FGF14: variants seen among roughly 807,000 people sequenced by gnomAD.
FGF14 encodes fibroblast growth factor 14, also known as fibroblast growth factor homologous factor 4.
A neutral mutation model predicts 25.5 loss-of-function variants in FGF14; 5 were observed. That is an observed-to-expected ratio of 0.20 (90% CI 0.10 to 0.41). The LOEUF (loss-of-function observed/expected upper bound fraction) is 0.41, where lower values mean the gene tolerates loss of function less well. FGF14 is among the 10% of genes least tolerant of loss of function. The pLI, the probability that FGF14 is intolerant of heterozygous loss-of-function variation, is 1.00. For synonymous variants in FGF14, 138 were observed against 118.3 expected (o/e 1.17, Z -1.08); for missense variants, 222 against 320.1 (o/e 0.69, Z 2.34).
chr13:101,898,059 T>A (rs1384830269), intron 1 of FGF14, among the ~76,000 whole-genome samples: 1 of 151,802 alleles, frequency 6.6e-6, no homozygotes, highest in African/African-American at 2.4e-5. Context: ...CACGTCCAGA[T>A]AATGTTTGTA....
chr13:102,164,557 T>G (rs1345745942), intron 1 of FGF14, among the ~76,000 whole-genome samples: 2 of 152,144 alleles, frequency 1.3e-5, no homozygotes, highest in African/African-American at 4.8e-5. Context: ...AGGCAGGCAA[T>G]TAAGACCAGG....
chr13:102,278,687 C>T (rs2053672986), intron 1 of FGF14, among the ~76,000 whole-genome samples: 3 of 151,684 alleles, frequency 2.0e-5, no homozygotes, highest in Admixed American at 2.0e-4. Context: ...CTTCATTAAG[C>T]TCCAGTGTAT....
intron 1 of FGF14, among the ~76,000 whole-genome samples, chr13:101,951,999 G>A (rs767423199): frequency 2.0e-5 from 3 of 152,040 alleles, no homozygotes; most frequent in Non-Finnish European, 2.9e-5. Flanking sequence ...ACCCCATTGT[G>A]TTTAATACTT....
intron 1 of FGF14, among the ~76,000 whole-genome samples, chr13:101,911,344 G>A (rs1180813167): frequency 2.6e-5 from 4 of 152,076 alleles, no homozygotes; most frequent in African/African-American, 9.7e-5. Context: ...AAAGGTCACA[G>A]GATTTCTTCA....
At chr13:102,180,879 T>C (rs2048645271) in intron 1 of FGF14, among the ~76,000 whole-genome samples, 2 of 152,142 alleles carry the variant, frequency 1.3e-5, no homozygotes, top group South Asian at 4.1e-4. Flanking sequence ...CAAAAAGATC[T>C]GTTTTATCAT....
chr13:102,167,770 A>G lies in FGF14; in HGVS notation c.208+233701T>C, dbSNP rs181877255. ...AATCCATTAGAGAATCCTCATTAAG[A>G]TATTAGAAACTGGCATGCTAGCTCT... On this transcript the variant is annotated intron_variant, in intron 1 of 4. Transcript: ENST00000376131. Among the ~76,000 whole-genome samples, 28 of 151,158 alleles carry G rather than the reference A, an allele frequency of 1.9e-4. No individual in the cohort carries two copies. In the East Asian group the frequency reaches 5.1e-3, roughly 27 times the overall value.
chr13:101,754,329 G>A (rs2037502945), intron 3 of FGF14, among the ~76,000 whole-genome samples: 1 of 152,134 alleles, frequency 6.6e-6, no homozygotes, highest in South Asian at 2.1e-4. Context: ...TTGTTGCCAA[G>A]AGTTATCACA....
intron 1 of FGF14, among the ~76,000 whole-genome samples, chr13:101,914,027 G>A (rs2033220420): frequency 6.6e-6 from 1 of 151,834 alleles, no homozygotes; most frequent in Admixed American, 6.6e-5. Flanking sequence ...TTCAATAATT[G>A]TTATATTATT....
chr13:101,787,113 AG>A lies in FGF14; in HGVS notation c.409-60304del, dbSNP rs574683909. ...AGGTGCTCATTCAAAATATATAATAAGCAATGTGAAAAAAACACTAGGCTAT... is the reference window on the plus strand; with the variant it reads ...AGGTGCTCATTCAAAATATATAATAACAATGTGAAAAAAACACTAGGCTAT... On this transcript the variant is annotated intron_variant, in intron 3 of 4. Transcript: ENST00000376143. Among the ~76,000 whole-genome samples, 15 of 152,244 alleles carry A rather than the reference AG, an allele frequency of 9.9e-5. No individual in the cohort carries two copies. The South Asian group carries it at 2.3e-3, about 23-fold the overall frequency.
chr13:102,310,448 T>C (rs2055670536), intron 1 of FGF14, among the ~76,000 whole-genome samples: 2 of 152,092 alleles, frequency 1.3e-5, no homozygotes, highest in African/African-American at 2.4e-5. Context: ...AACTAATAAG[T>C]ATTAAAGGAG....
intron 1 of FGF14, among the ~76,000 whole-genome samples, chr13:101,970,202 T>C (rs2037507602): frequency 6.6e-6 from 1 of 152,256 alleles, no homozygotes; most frequent in Admixed American, 6.5e-5. Context: ...ACAGGAGATC[T>C]AGACCTTGTA....
intron 1 of FGF14, among the ~76,000 whole-genome samples, chr13:102,181,485 G>A (rs1022830662): frequency 2.0e-5 from 3 of 152,118 alleles, no homozygotes; most frequent in African/African-American, 7.2e-5. Flanking sequence ...AGGTCATCAA[G>A]GTAAGCCCTA....
At chr13:102,325,138 G>T (rs2056382792) in intron 1 of FGF14, among the ~76,000 whole-genome samples, 1 of 151,836 alleles carries the variant, frequency 6.6e-6, no homozygotes, top group Non-Finnish European at 1.5e-5. Flanking sequence ...GATGGGACCA[G>T]ACTTCTACAA....
At chr13:102,031,023 G>A (rs2041182200) in intron 1 of FGF14, among the ~76,000 whole-genome samples, 1 of 152,036 alleles carries the variant, frequency 6.6e-6, no homozygotes, top group Non-Finnish European at 1.5e-5. Flanking sequence ...TATAACATAA[G>A]TCAAAATAAA....
intron 1 of FGF14, among the ~76,000 whole-genome samples, chr13:102,191,563 C>A (rs72647405): frequency 0.19 from 29,548 of 151,968 alleles, 3,330 homozygotes; most frequent in Admixed American, 0.27. Context: ...CACCCGAAAG[C>A]CTCATCTCTG....
chr13:102,258,132 G>T (rs1360168217), intron 1 of FGF14, among the ~76,000 whole-genome samples: 2 of 152,150 alleles, frequency 1.3e-5, no homozygotes, highest in African/African-American at 4.8e-5. Flanking sequence ...ATCAGATCTT[G>T]TAAGACTTCT....
intron 2 of FGF14, among the ~76,000 whole-genome samples, chr13:101,874,040 T>TTGCAAAAAATGC (rs539545351): frequency 1.5e-3 from 227 of 151,854 alleles, no homozygotes; most frequent in African/African-American, 5.3e-3. Context: ...ATGCACAAAA[T>TTGCAAAAAATGC]ACAAAAAGTG....
At chr13:101,757,904 GTAA>G (rs2037765771) in intron 3 of FGF14, among the ~76,000 whole-genome samples, 1 of 152,178 alleles carries the variant, frequency 6.6e-6, no homozygotes, top group African/African-American at 2.4e-5. Flanking sequence ...CAGTAGAAAA[GTAA>G]GTAGCCTGGT....
chr13:102,199,857 T>A (rs1470409755), intron 1 of FGF14, among the ~76,000 whole-genome samples: 2 of 152,178 alleles, frequency 1.3e-5, no homozygotes, highest in African/African-American at 4.8e-5. Flanking sequence ...TGAGACCCCA[T>A]CTTCTTCTGC....
Sources: gnomAD v4.1 joint callset for allele counts (sites outside exome capture counted in the v4.1 genomes callset) on GRCh38, gnomAD v4.1.1 for gene constraint, MANE v1.5 for transcripts, NCBI Gene and HGNC (gene_info 2026-07-23, HGNC 2026-07-21) for gene names.